The following GRID1 variants were observed in gnomAD, a reference collection of about 807,000 sequenced individuals.
GRID1 encodes glutamate ionotropic receptor delta type subunit 1.
Under a neutral mutation model 98.0 loss-of-function variants are expected in GRID1, and 28 were observed. That is an observed-to-expected ratio of 0.29 (90% CI 0.21 to 0.39). The LOEUF (loss-of-function observed/expected upper bound fraction) is 0.39, where lower values mean the gene tolerates loss of function less well. Ranked by LOEUF, GRID1 falls within the 10% of genes least tolerant of loss-of-function variation. The pLI is 1.00. For missense variants in GRID1, 1,111 were observed against 1,340.5 expected (o/e 0.83, Z 2.67); for synonymous variants, 553 against 538.5 (o/e 1.03, Z -0.37).
chr10:86,125,457 C>T (rs962839355), intron 4 of GRID1, among the ~76,000 whole-genome samples: 24 of 151,234 alleles, frequency 1.6e-4, no homozygotes, highest in Admixed American at 1.2e-3. Context: ...ATCTAAAGAG[C>T]TGGCCTTCAC....
intron 15 of GRID1, among the ~76,000 whole-genome samples, chr10:85,607,606 A>T (rs1215844974): frequency 6.6e-6 from 1 of 152,090 alleles, no homozygotes; most frequent in African/African-American, 2.4e-5. Context: ...TGATCAGTTC[A>T]ATAGCAGATG....
chr10:86,247,243 GGACA>G (rs1445914132), intron 2 of GRID1, among the ~76,000 whole-genome samples: 1 of 121,242 alleles, frequency 8.2e-6, no homozygotes. Context: ...ACAGAGGGAT[GGACA>G]GATGGATGGA....
At chr10:86,284,869 G>T (rs1280656372) in intron 2 of GRID1, among the ~76,000 whole-genome samples, 1 of 152,198 alleles carries the variant, frequency 6.6e-6, no homozygotes, top group Non-Finnish European at 1.5e-5. Context: ...AGAAAATTGG[G>T]CTGTGGCCAC....
intron 4 of GRID1, among the ~76,000 whole-genome samples, chr10:86,055,902 C>T (rs1043684535): frequency 3.9e-5 from 6 of 152,034 alleles, no homozygotes; most frequent in African/African-American, 1.5e-4. Context: ...TGCCAGAAAC[C>T]AACAGTGCTA....
intron 10 of GRID1, among the ~76,000 whole-genome samples, chr10:85,725,923 T>C (rs1841755741): frequency 6.6e-6 from 1 of 152,162 alleles, no homozygotes; most frequent in Admixed American, 6.5e-5. Context: ...CCAGGGACAA[T>C]TTTTAGGATT....
At chr10:85,625,765 T>C (rs1842905184) in intron 13 of GRID1, among the ~76,000 whole-genome samples, 1 of 152,190 alleles carries the variant, frequency 6.6e-6, no homozygotes, top group African/African-American at 2.4e-5. Context: ...TTGGCCTCTA[T>C]TTGCTGGAGG....
intron 4 of GRID1, among the ~76,000 whole-genome samples, chr10:86,035,441 G>A (rs1589345752): frequency 6.6e-6 from 1 of 152,206 alleles, no homozygotes; most frequent in Non-Finnish European, 1.5e-5. Flanking sequence ...TCTTGACTAT[G>A]AAAGCATGGA....
At chr10:85,760,802 C>T (rs186323312) in intron 8 of GRID1, among the ~76,000 whole-genome samples, 1 of 152,318 alleles carries the variant, frequency 6.6e-6, no homozygotes. Flanking sequence ...TTCTGCTCTA[C>T]TGCAGCAATT....
intron 4 of GRID1, among the ~76,000 whole-genome samples, chr10:86,034,470 G>A (rs1232251498): frequency 1.3e-5 from 2 of 152,062 alleles, no homozygotes; most frequent in Non-Finnish European, 2.9e-5. Flanking sequence ...CCATTTTAGA[G>A]GGGAGGAAAA....
At chr10:85,828,302 G>C (rs952525090) in intron 8 of GRID1, among the ~76,000 whole-genome samples, 1 of 151,862 alleles carries the variant, frequency 6.6e-6, no homozygotes, top group African/African-American at 2.4e-5. Context: ...GTGGTAAGAG[G>C]AAAATTTATA....
At chr10:86,173,492 T>C (rs1273997841) in intron 3 of GRID1, among the ~76,000 whole-genome samples, 1 of 152,208 alleles carries the variant, frequency 6.6e-6, no homozygotes, top group Non-Finnish European at 1.5e-5. Flanking sequence ...CCTGACAAAG[T>C]CTATACATAT....
chr10:85,807,104 C>G (rs1842629494), intron 8 of GRID1, among the ~76,000 whole-genome samples: 1 of 152,002 alleles, frequency 6.6e-6, no homozygotes, highest in Admixed American at 6.6e-5. Flanking sequence ...AATCTCAGCA[C>G]TTTGGGAGGC....
At chr10:86,298,495 CCT>C (rs147359899) in intron 2 of GRID1, among the ~76,000 whole-genome samples, 10,036 of 152,218 alleles carry the variant, frequency 0.066, 591 homozygotes, top group African/African-American at 0.16. Context: ...CTCCAGAACC[CCT>C]GTGCTGGGGG....
intron 2 of GRID1, among the ~76,000 whole-genome samples, chr10:86,318,091 A>AG (rs1229727441): frequency 3.3e-5 from 5 of 151,802 alleles, no homozygotes; most frequent in African/African-American, 1.2e-4. Context: ...CTCCCCAAGC[A>AG]GAAAAAAAGG....
rs374570734 is a variant in GRID1 at position 85,708,264 on chromosome 10, C to T, written c.1997+14739G>A. ...CTAAAAATATGAAAAATTAGCCAGGCGTGGTGGTGGGCGCCTGTAGTCCTA... is the reference window on the plus strand; with the variant it reads ...CTAAAAATATGAAAAATTAGCCAGGTGTGGTGGTGGGCGCCTGTAGTCCTA... On this transcript the variant is annotated intron_variant, in intron 12 of 15. Transcript: ENST00000327946. 1.6e-4 allele frequency among the ~76,000 whole-genome samples: 24 copies of T among 151,956 alleles called. No individual in the cohort carries two copies. The East Asian group carries it at 4.1e-3, about 26-fold the overall frequency.
intron 3 of GRID1, among the ~76,000 whole-genome samples, chr10:86,184,390 T>C (rs1425391403): frequency 6.6e-6 from 1 of 152,084 alleles, no homozygotes; most frequent in Admixed American, 6.5e-5. Flanking sequence ...TTAAGGTTTA[T>C]TCTTGTGTCT....
Position 85,856,015 on chromosome 10 carries a change from C to T in GRID1, c.1113+14G>A. On this transcript the variant is annotated intron_variant, in intron 7 of 15. Coordinates refer to ENST00000327946, the MANE Select transcript of GRID1 (RefSeq NM_017551.3). ...CTGTCTTTGGCCAGGTTGGGGGTGC[C>T]CCCTCACACGTACCTTTTTGATGGT... 6.2e-7 allele frequency: 1 copy of T among 1,612,066 alleles called. No homozygotes were observed. The highest frequency in any genetic ancestry group is 8.5e-7 in the Non-Finnish European group (1 of 1,179,330).
intron 4 of GRID1, among the ~76,000 whole-genome samples, chr10:86,111,948 T>G (rs183280349): frequency 8.8e-4 from 134 of 152,310 alleles, no homozygotes; most frequent in Admixed American, 9.8e-4. Flanking sequence ...TCTAATGAGG[T>G]GTAGTCTCCA....
chr10:85,817,879 A>C (rs917833619), intron 8 of GRID1, among the ~76,000 whole-genome samples: 2 of 152,174 alleles, frequency 1.3e-5, no homozygotes, highest in Non-Finnish European at 2.9e-5. Flanking sequence ...TGACAAAACA[A>C]GACTCCGTCT....
Sources: gnomAD v4.1 joint callset for allele counts (sites outside exome capture counted in the v4.1 genomes callset) on GRCh38, gnomAD v4.1.1 for gene constraint, MANE v1.5 for transcripts, NCBI Gene and HGNC (gene_info 2026-07-23, HGNC 2026-07-21) for gene names.